The following GABRG3 variants were observed in gnomAD, a reference collection of about 807,000 sequenced individuals.
GABRG3 encodes the protein gamma-aminobutyric acid type A receptor subunit gamma3, also known as gamma-aminobutyric acid receptor subunit gamma-3.
A neutral mutation model predicts 48.8 loss-of-function variants in GABRG3; 25 were observed. The ratio of observed to expected loss-of-function variants is 0.51; its 90% CI spans 0.37 to 0.72. The LOEUF is 0.72. Among genes scored for constraint, GABRG3 ranks in the 30% least tolerant of loss-of-function variants. The pLI, the probability that GABRG3 is intolerant of heterozygous loss-of-function variation, is 0.00. For synonymous variants in GABRG3, 227 were observed against 217.6 expected, an observed-to-expected ratio of 1.04 and a Z score of -0.38; for missense variants, 394 against 577.9, an observed-to-expected ratio of 0.68 and a Z score of 3.26.
At chr15:27,291,357 C>G (rs991532610) in intron 3 of GABRG3, among the ~76,000 whole-genome samples, 2 of 152,142 alleles carry the variant, frequency 1.3e-5, no homozygotes, top group African/African-American at 2.4e-5. Context: ...TTTAAATTCA[C>G]TGTAGGTTGT....
chr15:27,002,605 A>G lies in GABRG3; in HGVS notation c.203-24149A>G, dbSNP rs1895470038. Among the ~76,000 whole-genome samples, 3 of 152,140 alleles carry G rather than the reference A, an allele frequency of 2.0e-5. No homozygotes were observed. In the South Asian group the frequency reaches 6.2e-4, roughly 32 times the overall value. On this transcript the variant is annotated intron_variant, in intron 2 of 9. Coordinates refer to ENST00000615808, the MANE Select transcript of GABRG3 (RefSeq NM_033223.5). The stretch of plus-strand genomic sequence containing the variant: ...AATGTGGGATGTGCGGAATAGTATA[A>G]AAACTAGAAATAAAAGCCATGCAGC...
intron 3 of GABRG3, among the ~76,000 whole-genome samples, chr15:27,219,648 A>G (rs1356873677): frequency 6.6e-6 from 1 of 151,936 alleles, no homozygotes; most frequent in East Asian, 1.9e-4. Context: ...ACAGCGCCCA[A>G]CCTCCCAGCT....
intron 3 of GABRG3, among the ~76,000 whole-genome samples, chr15:27,272,244 A>T (rs1891114568): frequency 1.3e-5 from 2 of 152,168 alleles, no homozygotes; most frequent in Admixed American, 1.3e-4. Flanking sequence ...GGTGAGCTTT[A>T]AGGTTCATGG....
chr15:27,288,662 G>A (rs910614046), intron 3 of GABRG3, among the ~76,000 whole-genome samples: 4 of 150,934 alleles, frequency 2.7e-5, no homozygotes, highest in Non-Finnish European at 4.4e-5. Context: ...GCAGTGAGTC[G>A]AGATCACGCC....
intron 6 of GABRG3, among the ~76,000 whole-genome samples, chr15:27,485,818 A>G (rs774524034): frequency 1.3e-4 from 20 of 152,224 alleles, no homozygotes; most frequent in Non-Finnish European, 2.8e-4. Flanking sequence ...TAAAAAGCCA[A>G]TAAAAATAAT....
chr15:27,275,236 A>T (rs1948559724), intron 3 of GABRG3, among the ~76,000 whole-genome samples: 1 of 152,202 alleles, frequency 6.6e-6, no homozygotes. Flanking sequence ...AAAAGTCCCC[A>T]GGTTGTCAAG....
Position 27,537,768 on chromosome 15 carries a change from A to C in GABRG3, c.*4887A>C, listed in dbSNP as rs553271320. On this transcript the variant is annotated 3_prime_UTR_variant, in exon 10 of 10. Transcript: ENST00000615808. ...CAATTTCAGGATATCAGCTTGATCT[A>C]GTTGTATTAAGGCCAAAAGGCAGAC... The C allele has an allele frequency of 6.6e-6, 1 of 151,652 alleles. No homozygotes were observed. Among genetic ancestry groups the C allele is most frequent in the South Asian group, 2.1e-4 (1 of 4,818 alleles). The allele number at this position is 151,652 out of a possible 1,614,324, so 9.4% of individuals were successfully genotyped here. A position where few individuals can be genotyped will look rare whatever the true frequency, so the allele number is the denominator to read the frequency against.
In GABRG3 at chr15:27,307,003, CATGTATAAACATGTTT is replaced by C. The variant is rs1566769703; in HGVS notation, c.271-19803_271-19788del. On this transcript the variant is annotated intron_variant, in intron 3 of 9. Transcript: ENST00000615808. ...TAATATAAACATGTTTATATATAAA[CATGTATAAACATGTTT>C]ATATATAAACATGTATAAAATAAAC... Among the ~76,000 whole-genome samples the C allele has an allele frequency of 6.6e-5, 7 of 105,698 alleles. 2 individuals are homozygous for C. The highest frequency in any genetic ancestry group is 1.0e-4 in the Non-Finnish European group (6 of 57,464). 69.3% of individuals were successfully genotyped at this position (105,698 alleles called of 152,430 possible).
intron 2 of GABRG3, among the ~76,000 whole-genome samples, chr15:26,983,026 T>C (rs1895082196): frequency 6.6e-6 from 1 of 152,166 alleles, no homozygotes; most frequent in African/African-American, 2.4e-5. Flanking sequence ...ACAGAGTCAC[T>C]ACCCAAGAAC....
chr15:27,096,492 G>C lies in GABRG3; in HGVS notation c.270+69671G>C, dbSNP rs186401124. On this transcript the variant is annotated intron_variant, in intron 3 of 9. Coordinates refer to ENST00000615808, the MANE Select transcript of GABRG3 (RefSeq NM_033223.5). ...ACTTTGAAGCCAGGGCTGCTGAGCT[G>C]GAATCTCAAATTGTCTTAGGACAAG... is the stretch of plus-strand genomic sequence containing the variant. 1.4e-3 allele frequency among the ~76,000 whole-genome samples: 218 copies of C among 152,292 alleles called. 1 individual carries two copies. The highest frequency in any genetic ancestry group is 5.0e-3 in the African/African-American group (208 of 41,560).
chr15:27,267,287 A>G (rs1300537145), intron 3 of GABRG3, among the ~76,000 whole-genome samples: 2 of 151,712 alleles, frequency 1.3e-5, no homozygotes. Flanking sequence ...TTGTATTTTT[A>G]GTAGTGACAG....
intron 5 of GABRG3, among the ~76,000 whole-genome samples, chr15:27,399,576 C>T (rs892411315): frequency 2.6e-5 from 4 of 152,152 alleles, no homozygotes; most frequent in Admixed American, 6.5e-5. Flanking sequence ...CTTTGACATT[C>T]GTAGAAACCT....
chr15:27,310,216 A>G (rs1892948311), intron 3 of GABRG3, among the ~76,000 whole-genome samples: 1 of 152,016 alleles, frequency 6.6e-6, no homozygotes, highest in South Asian at 2.1e-4. Flanking sequence ...AGCAGAAGGG[A>G]GTTTTGGGCA....
intron 5 of GABRG3, among the ~76,000 whole-genome samples, chr15:27,388,244 G>A (rs1426659663): frequency 4.2e-5 from 1 of 23,638 alleles, no homozygotes; most frequent in Admixed American, 5.6e-4. Flanking sequence ...GAGGGAGGGA[G>A]GAAAGGAAGG....
intron 3 of GABRG3, among the ~76,000 whole-genome samples, chr15:27,315,069 C>CTTA: frequency 6.6e-6 from 1 of 152,228 alleles, no homozygotes; most frequent in East Asian, 1.9e-4. Flanking sequence ...GTTAAGTGTA[C>CTTA]TTACCGCAGT....
chr15:27,307,390 ACC>A lies in GABRG3; in HGVS notation c.271-19418_271-19417del, dbSNP rs1425421496. On this transcript the variant is annotated intron_variant, in intron 3 of 9. Coordinates refer to ENST00000615808, the MANE Select transcript of GABRG3 (RefSeq NM_033223.5). ...ATATAGGTTTATATATTTATATATA[ACC>A]ATATAGGTTTATATATTTATATATA... is the stretch of plus-strand genomic sequence containing the variant. Among the ~76,000 whole-genome samples, 9 of 106,250 alleles carry A rather than the reference ACC, an allele frequency of 8.5e-5. 1 individual carries two copies. The highest frequency in any genetic ancestry group is 2.6e-4 in the African/African-American group (8 of 30,948). The allele number at this position is 106,250 out of a possible 152,430, so 69.7% of individuals were successfully genotyped here.
intron 5 of GABRG3, among the ~76,000 whole-genome samples, chr15:27,331,446 G>C (rs902528435): frequency 6.6e-6 from 1 of 152,180 alleles, no homozygotes; most frequent in African/African-American, 2.4e-5. Context: ...AAAGAGACAT[G>C]TAGGAAACTT....
chr15:27,341,035 T>G (rs1442176848), intron 5 of GABRG3: 1 of 488,022 alleles, frequency 2.0e-6, no homozygotes, highest in Non-Finnish European at 4.1e-6. Context: ...ATAAACAGAC[T>G]TCAGAGGCCT....
In GABRG3 at chr15:27,375,570, G is replaced by A. The variant is rs28480275; in HGVS notation, c.574+46682G>A. On this transcript the variant is annotated intron_variant, in intron 5 of 9. Coordinates refer to ENST00000615808, the MANE Select transcript of GABRG3 (RefSeq NM_033223.5). ...AAAAAGAGATTTAATTGGACTCACAGTTCCACATGGCTGGGGAGGCTTCAC... is the reference window on the plus strand; with the variant it reads ...AAAAAGAGATTTAATTGGACTCACAATTCCACATGGCTGGGGAGGCTTCAC... Among the ~76,000 whole-genome samples the A allele has an allele frequency of 6.9e-3, 1,045 of 152,302 alleles. 7 individuals are homozygous for A. Among genetic ancestry groups the A allele is most frequent in the Admixed American group, 0.015 (225 of 15,308 alleles).
Sources: gnomAD v4.1 joint callset for allele counts (sites outside exome capture counted in the v4.1 genomes callset) on GRCh38, gnomAD v4.1.1 for gene constraint, MANE v1.5 for transcripts, NCBI Gene and HGNC (gene_info 2026-07-23, HGNC 2026-07-21) for gene names.